The following NEK7 variants were observed in gnomAD, a reference collection of about 807,000 sequenced individuals.
NEK7 encodes serine/threonine-protein kinase Nek7.
Under a neutral mutation model 44.6 loss-of-function variants are expected in NEK7, and 18 were observed. The ratio of observed to expected loss-of-function variants is 0.40; its 90% confidence interval spans 0.28 to 0.60. The LOEUF (loss-of-function observed/expected upper bound fraction) is 0.60, where lower values mean the gene tolerates loss of function less well. NEK7 is among the 20% of genes least tolerant of loss of function. The probability of loss-of-function intolerance (pLI) is 0.38; values close to 1 mark genes in which losing one functional copy is unlikely to be tolerated. For missense variants in NEK7, 256 were observed against 366.5 expected (o/e 0.70, Z 2.46); for synonymous variants, 130 against 121.1 (o/e 1.07, Z -0.48).
chr1:198,159,118 C>T (rs1052562333), intron 1 of NEK7, among the ~76,000 whole-genome samples: 1 of 152,198 alleles, frequency 6.6e-6, no homozygotes. Context: ...CCGCTGGGTG[C>T]CGGGAGGCTC....
At chr1:198,248,450 C>T (rs1249476729) in intron 2 of NEK7, among the ~76,000 whole-genome samples, 1 of 152,136 alleles carries the variant, frequency 6.6e-6, no homozygotes, top group Non-Finnish European at 1.5e-5. Flanking sequence ...CCCCCAATAT[C>T]TTATAATTAT....
chr1:198,269,706 A>G (rs1247093904), intron 5 of NEK7, among the ~76,000 whole-genome samples: 1 of 152,112 alleles, frequency 6.6e-6, no homozygotes, highest in Non-Finnish European at 1.5e-5. Context: ...ATAGCATTGC[A>G]TCAAAGATTT....
chr1:198,193,539 A>G (rs1291171689), intron 1 of NEK7, among the ~76,000 whole-genome samples: 1 of 152,240 alleles, frequency 6.6e-6, no homozygotes, highest in East Asian at 1.9e-4. Flanking sequence ...TGCCCGATGA[A>G]CATCAATGCA....
intron 2 of NEK7, among the ~76,000 whole-genome samples, chr1:198,240,877 T>C (rs1376293795): frequency 6.6e-6 from 1 of 152,184 alleles, no homozygotes; most frequent in African/African-American, 2.4e-5. Context: ...GTATTTTTAG[T>C]ACAGATGGGG....
chr1:198,304,337 A>G (rs1005895702), intron 9 of NEK7, among the ~76,000 whole-genome samples: 1 of 152,184 alleles, frequency 6.6e-6, no homozygotes, highest in East Asian at 1.9e-4. Flanking sequence ...TTCAATCACT[A>G]GTGACACTTT....
At chr1:198,191,961 T>G (rs1200955455) in intron 1 of NEK7, among the ~76,000 whole-genome samples, 1 of 152,126 alleles carries the variant, frequency 6.6e-6, no homozygotes, top group African/African-American at 2.4e-5. Context: ...TCCAATGTTC[T>G]CCCTGTCTTT....
chr1:198,222,876 C>CG (rs1191191320), intron 1 of NEK7, among the ~76,000 whole-genome samples: 1 of 106,530 alleles, frequency 9.4e-6, no homozygotes, highest in South Asian at 3.2e-4. Flanking sequence ...AAGAATCAAG[C>CG]GGGGGGTGGG....
chr1:198,248,448 A>G (rs188971991), intron 2 of NEK7, among the ~76,000 whole-genome samples: 7 of 152,298 alleles, frequency 4.6e-5, no homozygotes, highest in African/African-American at 9.6e-5. Context: ...TGCCCCCAAT[A>G]TCTTATAATT....
intron 1 of NEK7, among the ~76,000 whole-genome samples, chr1:198,216,444 G>A (rs1202319221): frequency 1.3e-5 from 2 of 152,020 alleles, no homozygotes; most frequent in Non-Finnish European, 2.9e-5. Flanking sequence ...GTGTTAAGAG[G>A]AAAGTTTATA....
At chr1:198,159,291 GAGAA>G (rs556145181) in intron 1 of NEK7, among the ~76,000 whole-genome samples, 107 of 152,228 alleles carry the variant, frequency 7.0e-4, no homozygotes, top group South Asian at 2.1e-3. Context: ...GGCCAGCCTG[GAGAA>G]AGAAAGAAAG....
At chr1:198,293,072 G>C in intron 8 of NEK7, 33 bp downstream of exon 8, 2 of 1,111,408 alleles carry the variant, frequency 1.8e-6, no homozygotes, top group Non-Finnish European at 1.4e-6. Flanking sequence ...AAATATTGAT[G>C]CAGTTTTACT....
intron 9 of NEK7, among the ~76,000 whole-genome samples, chr1:198,309,322 A>G (rs1166121756): frequency 2.0e-5 from 3 of 152,054 alleles, no homozygotes; most frequent in Non-Finnish European, 4.4e-5. Context: ...TATGGTTAGA[A>G]AATAGGGTGG....
At chr1:198,203,003 A>G (rs1277495570) in intron 1 of NEK7, among the ~76,000 whole-genome samples, 2 of 148,514 alleles carry the variant, frequency 1.3e-5, no homozygotes, top group Non-Finnish European at 3.0e-5. Context: ...GCTAGAATTG[A>G]CATATTTGAA....
At chr1:198,212,543 C>T (rs1370978626) in intron 1 of NEK7, among the ~76,000 whole-genome samples, 2 of 152,232 alleles carry the variant, frequency 1.3e-5, no homozygotes, top group Non-Finnish European at 2.9e-5. Context: ...AGCCAGGGAA[C>T]TGCCCTCTGA....
chr1:198,211,122 C>G (rs1450240359), intron 1 of NEK7, among the ~76,000 whole-genome samples: 2 of 152,122 alleles, frequency 1.3e-5, no homozygotes, highest in African/African-American at 4.8e-5. Context: ...GACAAAATTA[C>G]TCTGCTTTAT....
intron 1 of NEK7, among the ~76,000 whole-genome samples, chr1:198,183,026 G>A (rs1664812853): frequency 6.6e-6 from 1 of 152,194 alleles, no homozygotes; most frequent in Non-Finnish European, 1.5e-5. Flanking sequence ...GGCCATTGTG[G>A]TAGGTGAAAT....
intron 1 of NEK7, chr1:198,197,819 C>A: frequency 1.3e-6 from 1 of 776,318 alleles, no homozygotes; most frequent in Non-Finnish European, 2.3e-6. Context: ...GGAATGCTTG[C>A]CATGCTCGTG....
chr1:198,227,603 AT>A (rs1344532359), intron 1 of NEK7, among the ~76,000 whole-genome samples: 1 of 152,068 alleles, frequency 6.6e-6, no homozygotes, highest in Non-Finnish European at 1.5e-5. Context: ...TTTGATTTGC[AT>A]TTCTGTGATG....
At chr1:198,295,622 A>ATT (rs1300486055) in intron 8 of NEK7, among the ~76,000 whole-genome samples, 2 of 145,088 alleles carry the variant, frequency 1.4e-5, no homozygotes, top group African/African-American at 2.5e-5. Context: ...GGACATTCAG[A>ATT]TTTTTTTTTT....
Sources: gnomAD v4.1 joint callset for allele counts (sites outside exome capture counted in the v4.1 genomes callset) on GRCh38, gnomAD v4.1.1 for gene constraint, MANE v1.5 for transcripts, NCBI Gene and HGNC (gene_info 2026-07-23, HGNC 2026-07-21) for gene names.